Variants in ZNF610 observed in about 807,000 individuals in gnomAD.
ZNF610 encodes the protein zink finger protein.
A neutral mutation model predicts 14.1 loss-of-function variants in ZNF610; 14 were observed. The ratio of observed to expected loss-of-function variants is 0.99; its 90% confidence interval spans 0.65 to 1.55. The LOEUF (loss-of-function observed/expected upper bound fraction) is 1.55. Among genes scored for constraint, ZNF610 ranks in the 40% most tolerant of loss-of-function variants. The pLI is 0.00. For missense variants in ZNF610, 530 were observed against 558.0 expected (o/e 0.95, Z 0.51); for synonymous variants, 185 against 187.6 (o/e 0.99, Z 0.11).
chr19:52,330,680 G>A, the ZNF610 span, among the ~76,000 whole-genome samples: 1 of 152,134 alleles, frequency 6.6e-6, no homozygotes, highest in Non-Finnish European at 1.5e-5. Flanking sequence ...GACACGCTGA[G>A]GTCTGAGCCA....
At chr19:52,349,299 C>T in intron 3 of ZNF610, 64 bp downstream of exon 3, 3 of 1,542,560 alleles carry the variant, frequency 1.9e-6, no homozygotes, top group South Asian at 2.2e-5. Flanking sequence ...AAGCATCCTG[C>T]CTGACACGTT....
At chr19:52,345,175 C>T (rs985414089) in intron 1 of ZNF610, 1 of 152,158 alleles carries the variant, frequency 6.6e-6, no homozygotes, top group Non-Finnish European at 1.5e-5. Context: ...GGATTACTTC[C>T]ACGACCCCTG....
chr19:52,344,319 AC>A (rs34109798), intron 1 of ZNF610, among the ~76,000 whole-genome samples: 83,011 of 150,046 alleles, frequency 0.55, 23,093 homozygotes, highest in Middle Eastern at 0.61. Flanking sequence ...GGATTCTGTG[AC>A]CCCCCCATAG....
chr19:52,331,223 A>T, the ZNF610 span, among the ~76,000 whole-genome samples: 1 of 152,174 alleles, frequency 6.6e-6, no homozygotes, highest in Non-Finnish European at 1.5e-5. Context: ...CTTTGATAGG[A>T]TGTGATAAAA....
chr19:52,351,018 A>G (rs1052566226), intron 3 of ZNF610, among the ~76,000 whole-genome samples: 9 of 152,192 alleles, frequency 5.9e-5, no homozygotes, highest in African/African-American at 2.2e-4. Flanking sequence ...TTTATACAGC[A>G]TTATGGTATT....
In ZNF610 at chr19:52,366,879, C is replaced by G. The variant is rs1228111250; in HGVS notation, c.*112C>G. ...CAAAGAATTTAGTTTGCATTGAAGCCTCATCACTCATCTCTTGATCCACAC... is the reference window on the plus strand; with the variant it reads ...CAAAGAATTTAGTTTGCATTGAAGCGTCATCACTCATCTCTTGATCCACAC... On this transcript the variant is annotated 3_prime_UTR_variant, in exon 6 of 6. Transcript: ENST00000403906. The G allele has an allele frequency of 2.7e-6, 2 of 746,794 alleles. No homozygotes were observed. The highest frequency in any genetic ancestry group is 3.5e-5 in the African/African-American group (2 of 56,490). The allele number at this position is 746,794 out of a possible 1,614,324, so 46.3% of individuals were successfully genotyped here. A position where few individuals can be genotyped will look rare whatever the true frequency, so the allele number is the denominator to read the frequency against.
upstream of ZNF610, among the ~76,000 whole-genome samples, chr19:52,333,921 AG>A (rs1464270481): frequency 6.6e-6 from 1 of 152,166 alleles, no homozygotes; most frequent in Non-Finnish European, 1.5e-5. Flanking sequence ...CCAGCTATGG[AG>A]TCACTGTTTT....
intron 1 of ZNF610, among the ~76,000 whole-genome samples, chr19:52,337,266 G>C (rs1342760076): frequency 6.9e-6 from 1 of 145,904 alleles, no homozygotes; most frequent in Non-Finnish European, 1.5e-5. Flanking sequence ...CTGATGACAA[G>C]GAGAGCAGAG....
At chr19:52,332,075 G>A (rs1047606088), upstream of ZNF610, among the ~76,000 whole-genome samples, 1 of 152,204 alleles carries the variant, frequency 6.6e-6, no homozygotes, top group South Asian at 2.1e-4. This position sits in a 1 kb window ranked among gnomAD's most constrained non-coding sequence, Gnocchi z 4.1. Context: ...ACCCCGGGAC[G>A]AGTCTGCCGG....
chr19:52,353,714 A>G lies in ZNF610; in HGVS notation c.96A>G (p.Glu32=). 6.2e-7 allele frequency: 1 copy of G among 1,613,946 alleles called. No individual in the cohort carries two copies. Among genetic ancestry groups the G allele is most frequent in the Non-Finnish European group, 8.5e-7 (1 of 1,179,948 alleles). ...TGACATTCATGGACGTGGCCATCGAATTCTCTCAGGAGGAGTGGAAATCCC... is the reference window on the plus strand; with the variant it reads ...TGACATTCATGGACGTGGCCATCGAGTTCTCTCAGGAGGAGTGGAAATCCC... ...GRLTFMDVAI[E]FSQEEWKSLD... Residue 32 remains glutamate (E), a synonymous_variant, in exon 4 of 6, where the codon GAA becomes GAG. Coordinates refer to ENST00000403906, the MANE Select transcript of ZNF610 (RefSeq NM_001161425.2).
chr19:52,357,644 C>CAAAAAAAA (rs71180445), intron 5 of ZNF610, among the ~76,000 whole-genome samples: 1 of 57,544 alleles, frequency 1.7e-5, no homozygotes, highest in African/African-American at 7.8e-5. Context: ...GCCTCCATCT[C>CAAAAAAAA]AAAAAAAAAA....
chr19:52,355,614 G>A (rs114562322), intron 5 of ZNF610, among the ~76,000 whole-genome samples: 108 of 152,288 alleles, frequency 7.1e-4, no homozygotes, highest in African/African-American at 2.5e-3. Context: ...CAAGCCTGTC[G>A]CCCACCTCAG....
At chr19:52,358,460 G>A (rs1985636248) in intron 5 of ZNF610, among the ~76,000 whole-genome samples, 2 of 152,218 alleles carry the variant, frequency 1.3e-5, no homozygotes, top group African/African-American at 2.4e-5. Flanking sequence ...GGGATTATAG[G>A]CGTAAGCCAC....
Position 52,362,967 on chromosome 19 carries a change from TTTTA to T in ZNF610, c.320-2719_320-2716del, listed in dbSNP as rs955908214. The stretch of plus-strand genomic sequence containing the variant: ...CTGTTTTCTTCTTCTTCTCTTTGAT[TTTTA>T]TTTATTTATTTTTATTTTTTAGTTT... On this transcript the variant is annotated intron_variant, in intron 5 of 5. Transcript: ENST00000403906. Among the ~76,000 whole-genome samples, 59 of 152,138 alleles carry T rather than the reference TTTTA, an allele frequency of 3.9e-4. 2 individuals carry two copies. Among genetic ancestry groups the T allele is most frequent in the Admixed American group, 3.4e-3 (52 of 15,268 alleles).
upstream of ZNF610, among the ~76,000 whole-genome samples, chr19:52,334,936 A>ACACACACACACACACACACACACACAC (rs1984299564): frequency 2.2e-4 from 9 of 41,530 alleles, no homozygotes; most frequent in African/African-American, 3.9e-4. Flanking sequence ...CTCAAAAACA[A>ACACACACACACACACACACACACACAC]ACACACACAC....
In ZNF610 at chr19:52,365,950, A is replaced by G; in HGVS notation, c.572A>G (p.Gln191Arg). ...NDLIDFPLLP[Q>R]EEKAYIRGKS... ...CTTATTGATTTCCCATTACTCCCAC[A>G]AGAAGAGAAAGCATACATTAGAGGA... is the stretch of plus-strand genomic sequence containing the variant. The change falls in exon 6 of 6, where the codon CAA (glutamine) becomes CGA (arginine). Residue 191 changes from glutamine to arginine, a missense_variant. Transcript: ENST00000403906. 1 of 1,613,838 alleles carries G rather than the reference A, an allele frequency of 6.2e-7. No individual in the cohort carries two copies. The highest frequency in any genetic ancestry group is 8.5e-7 in the Non-Finnish European group (1 of 1,179,934).
rs577597779 is a variant in ZNF610 at position 52,366,551 on chromosome 19, T to C, written c.1173T>C (p.Leu391=). Residue 391 remains leucine (L), a synonymous_variant, in exon 6 of 6, where the codon CTT becomes CTC. Transcript: ENST00000403906. ...FHKRPGLMAH[L]LIHTGEKPYK... Reference sequence around the variant, plus strand: ...AGCGTCCGGGCCTTATGGCCCATCTTCTAATCCATACTGGAGAGAAACCTT... The same window carrying C: ...AGCGTCCGGGCCTTATGGCCCATCTCCTAATCCATACTGGAGAGAAACCTT... The C allele has an allele frequency of 1.9e-5, 30 of 1,614,140 alleles. No individual in the cohort carries two copies. The African/African-American group carries it at 3.7e-4, about 20-fold the overall frequency.
At chr19:52,361,812 C>T (rs896336481) in intron 5 of ZNF610, among the ~76,000 whole-genome samples, 1 of 151,956 alleles carries the variant, frequency 6.6e-6, no homozygotes, top group African/African-American at 2.4e-5. Context: ...GACTTTAGTG[C>T]TTCTCTCTTC....
At chr19:52,358,913 T>A (rs1476568715) in intron 5 of ZNF610, among the ~76,000 whole-genome samples, 1 of 152,240 alleles carries the variant, frequency 6.6e-6, no homozygotes, top group Non-Finnish European at 1.5e-5. Context: ...CTGTCCTCTC[T>A]CGTTACATGG....
Sources: gnomAD v4.1 joint callset for allele counts (sites outside exome capture counted in the v4.1 genomes callset) on GRCh38, gnomAD v4.1.1 for gene constraint, Gnocchi (gnomAD v3.1) non-coding constraint, MANE v1.5 for transcripts, NCBI Gene and HGNC (gene_info 2026-07-23, HGNC 2026-07-21) for gene names.